The following FTCDNL1 variants were observed in gnomAD, a reference collection of about 807,000 sequenced individuals.
The protein encoded by FTCDNL1 is formiminotransferase cyclodeaminase N-terminal like, also known as formiminotransferase N-terminal subdomain-containing protein.
Under a neutral mutation model 5.9 loss-of-function variants are expected in FTCDNL1, and 11 were observed. The ratio of observed to expected loss-of-function variants is 1.87; its 90% CI spans 1.18 to 3.10. FTCDNL1 has a LOEUF of 3.10. FTCDNL1 is among the 30% of genes most tolerant of loss of function. The pLI, the probability that FTCDNL1 is intolerant of heterozygous loss-of-function variation, is 0.00. For synonymous variants in FTCDNL1, 58 were observed against 24.8 expected, an observed-to-expected ratio of 2.34 and a Z score of -3.99; for missense variants, 115 against 65.5, an observed-to-expected ratio of 1.76 and a Z score of -2.61.
chr2:199,848,768 A>G (rs909215945), intron 2 of FTCDNL1, 80 bp downstream of exon 2: 1 of 636,276 alleles, frequency 1.6e-6, no homozygotes, highest in Admixed American at 2.6e-5. Flanking sequence ...AGTGTTCTGT[A>G]GATACAGTGT....
At chr2:199,760,790 C>G in exon 4 of FTCDNL1, 1 of 702,326 alleles carries the variant, frequency 1.4e-6, no homozygotes, top group Admixed American at 2.0e-5. Context: ...TCCTGGATGT[C>G]GACCTCGCAA....
At chr2:199,700,923 GA>G in the FTCDNL1 span, among the ~76,000 whole-genome samples, 133 of 146,052 alleles carry the variant, frequency 9.1e-4, 1 homozygote, top group African/African-American at 2.7e-3. Flanking sequence ...TTCTCAACTA[GA>G]AAAAAAAAAG....
At chr2:199,706,996 C>A in the FTCDNL1 span, among the ~76,000 whole-genome samples, 1 of 152,344 alleles carries the variant, frequency 6.6e-6, no homozygotes, top group East Asian at 1.9e-4. Context: ...TATTTAGGCC[C>A]TCTGGCCATA....
chr2:199,679,385 T>C, the FTCDNL1 span, among the ~76,000 whole-genome samples: 6 of 152,140 alleles, frequency 3.9e-5, no homozygotes, highest in Non-Finnish European at 8.8e-5. Flanking sequence ...TTTAATTCTG[T>C]CTGCCCTCTT....
the FTCDNL1 span, among the ~76,000 whole-genome samples, chr2:199,714,793 G>C: frequency 2.0e-5 from 3 of 151,968 alleles, no homozygotes; most frequent in African/African-American, 4.8e-5. Flanking sequence ...CGGCAGAGGA[G>C]AAACACAGAC....
At chr2:199,828,638 A>G (rs573688583) in intron 3 of FTCDNL1, among the ~76,000 whole-genome samples, 1 of 152,302 alleles carries the variant, frequency 6.6e-6, no homozygotes, top group South Asian at 2.1e-4. Flanking sequence ...AATATTCTAC[A>G]GCTTTTGTTT....
chr2:199,689,810 T>TAA, the FTCDNL1 span, among the ~76,000 whole-genome samples: 3,802 of 116,846 alleles, frequency 0.033, 183 homozygotes, highest in East Asian at 0.26. Context: ...AAACTCCGTC[T>TAA]AAAAAAAAAA....
At chr2:199,831,189 A>G (rs978544833) in intron 3 of FTCDNL1, among the ~76,000 whole-genome samples, 3 of 152,224 alleles carry the variant, frequency 2.0e-5, no homozygotes, top group African/African-American at 7.2e-5. Flanking sequence ...GCATGACAGT[A>G]AAAAATAAAA....
chr2:199,800,453 G>GT (rs1700386375), intron 3 of FTCDNL1, among the ~76,000 whole-genome samples: 1 of 152,030 alleles, frequency 6.6e-6, no homozygotes, highest in Non-Finnish European at 1.5e-5. Flanking sequence ...ACCATTTTGA[G>GT]TACCATCATT....
chr2:199,753,365 C>T, the FTCDNL1 span, among the ~76,000 whole-genome samples: 13 of 152,282 alleles, frequency 8.5e-5, no homozygotes, highest in Admixed American at 3.9e-4. Context: ...CAGGGGACAG[C>T]GGACAGGCAC....
the FTCDNL1 span, among the ~76,000 whole-genome samples, chr2:199,717,772 G>A: frequency 6.6e-6 from 1 of 151,498 alleles, no homozygotes; most frequent in Admixed American, 6.6e-5. Flanking sequence ...TTCACTTCCA[G>A]GGCTTGACAG....
chr2:199,777,232 G>A (rs1437848608), intron 3 of FTCDNL1, among the ~76,000 whole-genome samples: 1 of 152,076 alleles, frequency 6.6e-6, no homozygotes, highest in East Asian at 1.9e-4. Flanking sequence ...GGCGGAGATT[G>A]TAGCAAGCCA....
chr2:199,775,255 G>A (rs753611951), intron 3 of FTCDNL1, among the ~76,000 whole-genome samples: 10 of 152,228 alleles, frequency 6.6e-5, no homozygotes, highest in Admixed American at 3.9e-4. Flanking sequence ...GGAGTGATAC[G>A]TGTGAGGGAG....
intron 3 of FTCDNL1, among the ~76,000 whole-genome samples, chr2:199,778,228 T>C (rs994629618): frequency 1.3e-5 from 2 of 152,146 alleles, no homozygotes; most frequent in African/African-American, 4.8e-5. Context: ...AACTAGGCAT[T>C]ATCTCACTAA....
At chr2:199,842,088 A>G (rs532951308) in intron 3 of FTCDNL1, among the ~76,000 whole-genome samples, 43 of 150,334 alleles carry the variant, frequency 2.9e-4, no homozygotes, top group African/African-American at 1.0e-3. Context: ...GCAAAACCCC[A>G]TTTCTACTAA....
the FTCDNL1 span, among the ~76,000 whole-genome samples, chr2:199,741,009 G>C: frequency 6.6e-6 from 1 of 152,096 alleles, no homozygotes; most frequent in African/African-American, 2.4e-5. Context: ...CACAAAGAAC[G>C]GTCATGCCAC....
chr2:199,782,745 CT>C (rs1358873544), intron 3 of FTCDNL1, among the ~76,000 whole-genome samples: 1 of 152,190 alleles, frequency 6.6e-6, no homozygotes, highest in Non-Finnish European at 1.5e-5. Flanking sequence ...CTCATTACTT[CT>C]ATTCAATAGT....
At position 199,780,092 on chromosome 2, in the gene FTCDNL1, G is replaced by T. The variant is rs116241693; in HGVS notation, c.212-19257C>A. On this transcript the variant is annotated intron_variant, in intron 3 of 3. Coordinates refer to the FTCDNL1 transcript ENST00000416668. ...TGTGGTTAAGATTGGTGTGCAGGAG[G>T]TGCTCTCAGAAGTGCCTGTCGAGTG... Among the ~76,000 whole-genome samples, 571 of 152,266 alleles carry T rather than the reference G, an allele frequency of 3.8e-3. 6 individuals are homozygous for T. Among genetic ancestry groups the T allele is most frequent in the African/African-American group, 0.013 (552 of 41,548 alleles).
chr2:199,743,070 T>G, the FTCDNL1 span, among the ~76,000 whole-genome samples: 1 of 152,220 alleles, frequency 6.6e-6, no homozygotes, highest in Non-Finnish European at 1.5e-5. Context: ...TCCTGCTGTT[T>G]TATCCCTAGG....
Sources: gnomAD v4.1 joint callset for allele counts (sites outside exome capture counted in the v4.1 genomes callset) on GRCh38, gnomAD v4.1.1 for gene constraint, MANE v1.5 for transcripts, NCBI Gene and HGNC (gene_info 2026-07-23, HGNC 2026-07-21) for gene names.